Variants in RLF observed in about 807,000 individuals in gnomAD.
RLF encodes RLF zinc finger, also known as zinc finger protein Rlf.
In RLF, 7 loss-of-function variants were observed where a neutral mutation model predicts 162.9. The ratio of observed to expected loss-of-function variants is 0.04; its 90% confidence interval spans 0.02 to 0.08. The LOEUF (loss-of-function observed/expected upper bound fraction) is 0.08, where lower values mean the gene tolerates loss of function less well. Among genes scored for constraint, RLF ranks in the 10% least tolerant of loss-of-function variants. The pLI is 1.00. For synonymous variants in RLF, 782 were observed against 791.5 expected (o/e 0.99, Z 0.20); for missense variants, 1,664 against 2,244.7 (o/e 0.74, Z 5.23).
At position 40,222,704 on chromosome 1, in the gene RLF, G is replaced by A. The variant is rs749277300; in HGVS notation, c.941G>A (p.Cys314Tyr). ...TQQLQTASVY[C>Y]SWELTLFWSK... ...CAGCTCCAAACTGCAAGTGTATATT[G>A]TTCTTGGTAAGTATATTTAGTTTTA... Residue 314 changes from cysteine to tyrosine, a missense_variant, in exon 6 of 8, where the codon TGT becomes TAT. This residue lies in a region of RLF where 287 missense variants were observed against 404.9 expected (regional missense o/e 0.71). Transcript: ENST00000372771. The A allele has an allele frequency of 6.2e-7, 1 of 1,612,710 alleles. No individual in the cohort carries two copies. Among genetic ancestry groups the A allele is most frequent in the South Asian group, 1.1e-5 (1 of 91,008 alleles).
At chr1:40,183,541 A>T (rs1378459063) in intron 1 of RLF, among the ~76,000 whole-genome samples, 1 of 152,214 alleles carries the variant, frequency 6.6e-6, no homozygotes, top group Non-Finnish European at 1.5e-5. Flanking sequence ...ACAACTTGCT[A>T]CAAAATATTA....
At chr1:40,180,320 A>G (rs1036646440) in intron 1 of RLF, among the ~76,000 whole-genome samples, 1 of 152,020 alleles carries the variant, frequency 6.6e-6, no homozygotes. Flanking sequence ...GTGCAGTCAC[A>G]TGATCTTGAC....
chr1:40,203,109 CTTTTTTTTTTTT>C (rs34957684), intron 5 of RLF, among the ~76,000 whole-genome samples: 2 of 99,680 alleles, frequency 2.0e-5, no homozygotes, highest in Non-Finnish European at 4.0e-5. Context: ...AGGGTTGAGT[CTTTTTTTTTTTT>C]TTTTTTTTTT....
intron 5 of RLF, among the ~76,000 whole-genome samples, chr1:40,220,095 G>C (rs1642972618): frequency 6.6e-6 from 1 of 152,106 alleles, no homozygotes; most frequent in Admixed American, 6.5e-5. Context: ...AATTAGCCGG[G>C]CGTGGTGTAG....
intron 1 of RLF, among the ~76,000 whole-genome samples, chr1:40,175,738 T>C (rs978557753): frequency 1.3e-5 from 2 of 150,956 alleles, no homozygotes; most frequent in African/African-American, 2.4e-5. Flanking sequence ...GTGAGCAGAA[T>C]TGTGCCACTG....
At chr1:40,180,643 G>C (rs569115099) in intron 1 of RLF, among the ~76,000 whole-genome samples, 1 of 152,274 alleles carries the variant, frequency 6.6e-6, no homozygotes, top group South Asian at 2.1e-4. Context: ...TCCCTAATTA[G>C]TGGTGTTTCA....
chr1:40,197,321 G>A (rs1197191472), intron 4 of RLF, among the ~76,000 whole-genome samples: 1 of 152,216 alleles, frequency 6.6e-6, no homozygotes, highest in Non-Finnish European at 1.5e-5. Context: ...GCATCCCCTT[G>A]TAAATGTAGG....
At chr1:40,199,514 G>C (rs184906101) in intron 4 of RLF, among the ~76,000 whole-genome samples, 252 of 152,280 alleles carry the variant, frequency 1.7e-3, no homozygotes, top group Middle Eastern at 6.8e-3. Flanking sequence ...TTGTCCAAGG[G>C]TCTCACAGCT....
rs561504935 is a variant in RLF, at chr1:40,235,788, A to T, written c.1090-4A>T. 2.6e-5 allele frequency: 40 copies of T among 1,526,966 alleles called. No individual in the cohort carries two copies. Among genetic ancestry groups the T allele is most frequent in the Middle Eastern group, 1.7e-4 (1 of 5,728 alleles). 94.6% of individuals were successfully genotyped at this position (1,526,966 alleles called of 1,614,324 possible). On this transcript the variant is annotated splice_polypyrimidine_tract_variant and splice_region_variant and intron_variant, in intron 7 of 7. Transcript: ENST00000372771. ...ATAATTTTTTTATCCTCTTTTACTTACAGGCACAAGATGCTGGTCTTGGGG... is the reference window on the plus strand; with the variant it reads ...ATAATTTTTTTATCCTCTTTTACTTTCAGGCACAAGATGCTGGTCTTGGGG...
chr1:40,201,625 C>CAAAAAA (rs35897680), intron 4 of RLF, among the ~76,000 whole-genome samples: 1 of 91,532 alleles, frequency 1.1e-5, no homozygotes, highest in African/African-American at 3.9e-5. Flanking sequence ...GACTTCATCT[C>CAAAAAA]AAAAAAAAAA....
intron 6 of RLF, among the ~76,000 whole-genome samples, chr1:40,224,244 C>T (rs12077597): frequency 6.7e-6 from 1 of 150,290 alleles, no homozygotes; most frequent in Admixed American, 6.6e-5. Flanking sequence ...GAAAGAAAAT[C>T]TTAGTCATTT....
chr1:40,170,750 A>G (rs1405389148), intron 1 of RLF, among the ~76,000 whole-genome samples: 1 of 152,222 alleles, frequency 6.6e-6, no homozygotes, highest in Non-Finnish European at 1.5e-5. Flanking sequence ...TTACATATGA[A>G]AAATATTTTA....
intron 1 of RLF, among the ~76,000 whole-genome samples, chr1:40,184,640 G>C (rs1306860563): frequency 1.3e-5 from 2 of 152,194 alleles, no homozygotes; most frequent in East Asian, 1.9e-4. Context: ...AGAGTAATTT[G>C]AGGGTAATCT....
At chr1:40,173,514 A>ATT (rs34760861) in intron 1 of RLF, among the ~76,000 whole-genome samples, 179 of 142,604 alleles carry the variant, frequency 1.3e-3, no homozygotes, top group African/African-American at 3.9e-3. Context: ...TGATCATGTA[A>ATT]TTTTTTTTTT....
intron 1 of RLF, among the ~76,000 whole-genome samples, chr1:40,170,092 C>T (rs1171064016): frequency 1.3e-5 from 2 of 152,124 alleles, no homozygotes; most frequent in Non-Finnish European, 2.9e-5. Flanking sequence ...GAACATTTTG[C>T]CATATTCTAA....
At position 40,237,542 on chromosome 1, in the gene RLF, T is replaced by G. The variant is rs757172222; in HGVS notation, c.2840T>G (p.Val947Gly). The G allele has an allele frequency of 1.2e-6, 2 of 1,613,982 alleles. No homozygotes were observed. Among genetic ancestry groups the G allele is most frequent in the Non-Finnish European group, 1.7e-6 (2 of 1,180,018 alleles). ...SLKEKCSSMA[V>G]CFDGTKFTCG... ...AAAGAAAAATGTTCCAGTATGGCAG[T>G]TTGTTTTGACGGGACTAAGTTTACC... is the stretch of plus-strand genomic sequence containing the variant. The change falls in exon 8 of 8, where the codon GTT (valine) becomes GGT (glycine). Residue 947 changes from valine to glycine, a missense_variant. Physicochemically the swap from Val to Gly is moderately radical, Grantham distance 109. Around this residue, in one of 15 missense-constraint regions of RLF, gnomAD observed 295 missense variants for 317.4 expected, o/e 0.93. Transcript: ENST00000372771. This position sits in a 1 kb window ranked among gnomAD's most constrained non-coding sequence, Gnocchi z 4.4.
intron 1 of RLF, among the ~76,000 whole-genome samples, chr1:40,188,291 G>A (rs1244766177): frequency 6.6e-6 from 1 of 152,126 alleles, no homozygotes; most frequent in Non-Finnish European, 1.5e-5. Flanking sequence ...AATTTTTAGT[G>A]ATAGGACACA....
chr1:40,184,793 G>A (rs1158172416), intron 1 of RLF, among the ~76,000 whole-genome samples: 1 of 152,150 alleles, frequency 6.6e-6, no homozygotes, highest in Non-Finnish European at 1.5e-5. Flanking sequence ...TCCCAGCACA[G>A]TACAAAATAG....
At chr1:40,194,282 TAGA>T (rs1642599619) in intron 3 of RLF, among the ~76,000 whole-genome samples, 1 of 152,130 alleles carries the variant, frequency 6.6e-6, no homozygotes, top group African/African-American at 2.4e-5. Context: ...TAATTCCTGT[TAGA>T]GGAACAGGCA....
Sources: allele counts gnomAD v4.1 joint callset (sites outside exome capture counted in the v4.1 genomes callset), GRCh38; gene constraint gnomAD v4.1.1; regional missense constraint gnomAD v4.1.1; non-coding constraint Gnocchi (gnomAD v3.1); transcripts MANE v1.5; gene names NCBI Gene and HGNC (gene_info 2026-07-23, HGNC 2026-07-21).